The following CTPS2 variants were observed in gnomAD, a reference collection of about 807,000 sequenced individuals.
CTPS2 encodes CTP synthase 2.
CTPS2 carries 19 observed loss-of-function variants against 46.8 expected under a neutral mutation model. The observed-to-expected ratio is 0.41, with a 90% confidence interval of 0.28 to 0.60. The LOEUF is 0.60. Among genes scored for constraint, CTPS2 ranks in the 20% least tolerant of loss-of-function variants. The probability of loss-of-function intolerance (pLI) is 0.35; values close to 1 mark genes in which losing one functional copy is unlikely to be tolerated. For missense variants in CTPS2, 286 were observed against 447.6 expected (o/e 0.64, Z 3.26); for synonymous variants, 151 against 165.2 (o/e 0.91, Z 0.66).
At chrX:16,707,744 G>A (rs776962111) in intron 1 of CTPS2, among the ~76,000 whole-genome samples, 10 of 112,224 alleles carry the variant, frequency 8.9e-5, no homozygotes, top group Non-Finnish European at 1.3e-4. Context: ...AGGCCAAGGC[G>A]GGCGGATCAC....
At chrX:16,628,881 G>A (rs1602160172) in intron 14 of CTPS2, among the ~76,000 whole-genome samples, 1 of 111,965 alleles carries the variant, frequency 8.9e-6, no homozygotes, top group Non-Finnish European at 1.9e-5. Context: ...TTTGCCCCAA[G>A]CTTTGAGAAG....
chrX:16,605,196 C>G (rs1191086857), intron 17 of CTPS2, among the ~76,000 whole-genome samples: 1 of 111,810 alleles, frequency 8.9e-6, no homozygotes, highest in Non-Finnish European at 1.9e-5. Context: ...TAGAAAATGC[C>G]TATGTGACCA....
chrX:16,655,182 C>T (rs1234194688), intron 13 of CTPS2, among the ~76,000 whole-genome samples: 2 of 112,146 alleles, frequency 1.8e-5, no homozygotes, highest in African/African-American at 6.5e-5. Context: ...TCCCAGCACT[C>T]GCTGTGCTTT....
chrX:16,666,978 G>C (rs749238371), intron 13 of CTPS2, among the ~76,000 whole-genome samples: 1 of 111,424 alleles, frequency 9.0e-6, no homozygotes, highest in Non-Finnish European at 1.9e-5. Context: ...CATTAAGCTT[G>C]AAAGCTGCGA....
chrX:16,621,605 C>T (rs1276287506), intron 14 of CTPS2, among the ~76,000 whole-genome samples: 1 of 110,182 alleles, frequency 9.1e-6, no homozygotes, highest in Non-Finnish European at 1.9e-5. Context: ...ACGCAGATCC[C>T]AGGTACACAG....
intron 9 of CTPS2, among the ~76,000 whole-genome samples, chrX:16,680,913 C>T (rs1220583568): frequency 4.5e-5 from 5 of 110,915 alleles, no homozygotes; most frequent in African/African-American, 9.8e-5. Context: ...AGGCCAGGCA[C>T]GATGGCTCAC....
chrX:16,689,195 T>TA (rs1923491874), intron 8 of CTPS2, among the ~76,000 whole-genome samples: 1 of 112,202 alleles, frequency 8.9e-6, no homozygotes, highest in South Asian at 3.6e-4. Context: ...CTTCCAGAGC[T>TA]AAAAAAACAT....
chrX:16,664,346 AG>A (rs1236317827), intron 13 of CTPS2, among the ~76,000 whole-genome samples: 1 of 112,113 alleles, frequency 8.9e-6, no homozygotes, highest in Admixed American at 9.5e-5. Context: ...AAGGCTCATA[AG>A]GAACCCTTCA....
intron 13 of CTPS2, among the ~76,000 whole-genome samples, chrX:16,656,399 C>T: frequency 9.1e-6 from 1 of 110,465 alleles, no homozygotes; most frequent in Non-Finnish European, 1.9e-5. Context: ...GATATGGGAT[C>T]ATTTCCACTT....
At chrX:16,654,340 T>C in intron 13 of CTPS2, 1 of 731,323 alleles carries the variant, frequency 1.4e-6, no homozygotes, top group South Asian at 3.2e-5. Context: ...TTTCTGAGAA[T>C]GTGTAGCAGT....
chrX:16,689,365 C>T (rs1923503769), intron 8 of CTPS2, 85 bp downstream of exon 8: 1 of 967,090 alleles, frequency 1.0e-6, no homozygotes. Context: ...GCCAAATACA[C>T]ACGCTTACCC....
At chrX:16,664,083 G>A (rs779118128) in intron 13 of CTPS2, among the ~76,000 whole-genome samples, 6 of 111,827 alleles carry the variant, frequency 5.4e-5, no homozygotes, top group Admixed American at 1.9e-4. Flanking sequence ...TGATCTGCCC[G>A]CCTTGGCCTC....
At chrX:16,667,893 G>C (rs1056505022) in intron 11 of CTPS2, among the ~76,000 whole-genome samples, 169 bp from the exon 12 acceptor site, 8 of 107,375 alleles carry the variant, frequency 7.5e-5, no homozygotes, top group African/African-American at 2.7e-4. Flanking sequence ...CCCTGACAGA[G>C]AGCAGGGCAG....
At chrX:16,677,743 T>A (rs1922398265) in intron 10 of CTPS2, among the ~76,000 whole-genome samples, 1 of 111,860 alleles carries the variant, frequency 8.9e-6, no homozygotes, top group Admixed American at 9.5e-5. Flanking sequence ...AAGATGGCAA[T>A]GAGAGTGACC....
At chrX:16,656,161 C>G (rs759653369) in intron 13 of CTPS2, among the ~76,000 whole-genome samples, 1 of 111,835 alleles carries the variant, frequency 8.9e-6, no homozygotes, top group African/African-American at 3.2e-5. Context: ...TCGCCACCCC[C>G]CAGGAAATTT....
intron 8 of CTPS2, among the ~76,000 whole-genome samples, chrX:16,689,048 G>A (rs1322624064): frequency 1.8e-5 from 2 of 110,715 alleles, no homozygotes; most frequent in African/African-American, 6.6e-5. Flanking sequence ...GCAGTGAGCC[G>A]AGATCGTGCC....
At chrX:16,698,676 G>A (rs1043828675) in intron 3 of CTPS2, among the ~76,000 whole-genome samples, 2 of 110,290 alleles carry the variant, frequency 1.8e-5, no homozygotes, top group East Asian at 2.8e-4. Flanking sequence ...TCAGCCTCCC[G>A]AATAGCTGGG....
At chrX:16,656,237 A>AT (rs1281190972) in intron 13 of CTPS2, among the ~76,000 whole-genome samples, 17 of 110,947 alleles carry the variant, frequency 1.5e-4, no homozygotes, top group Non-Finnish European at 2.8e-4. Context: ...TAGACATGAG[A>AT]TTTTTTTTAA....
At chrX:16,681,386 T>A (rs1328531820) in intron 9 of CTPS2, among the ~76,000 whole-genome samples, 1 of 111,361 alleles carries the variant, frequency 9.0e-6, no homozygotes, top group Non-Finnish European at 1.9e-5. Flanking sequence ...GCCATTTAAG[T>A]CAAGATGATA....
Sources: gnomAD v4.1 joint callset for allele counts (sites outside exome capture counted in the v4.1 genomes callset) on GRCh38, gnomAD v4.1.1 for gene constraint, MANE v1.5 for transcripts, NCBI Gene and HGNC (gene_info 2026-07-23, HGNC 2026-07-21) for gene names.